The following EYS variants were observed in gnomAD, a reference collection of about 807,000 sequenced individuals.
EYS encodes EGF-like photoreceptor maintenance factor.
In EYS, 250 loss-of-function variants were observed where a neutral mutation model predicts 282.1. The observed-to-expected ratio is 0.89, with a 90% CI of 0.80 to 0.98. The LOEUF (loss-of-function observed/expected upper bound fraction) is 0.98. Ranked by LOEUF, EYS falls within the 50% of genes least tolerant of loss-of-function variation. The pLI, the probability that EYS is intolerant of heterozygous loss-of-function variation, is 0.00. For synonymous variants in EYS, 1,355 were observed against 1,282.9 expected (o/e 1.06, Z -1.20); for missense variants, 4,016 against 3,709.0 (o/e 1.08, Z -2.15).
chr6:65,111,925 T>A (rs970317195), intron 12 of EYS, among the ~76,000 whole-genome samples: 1 of 152,186 alleles, frequency 6.6e-6, no homozygotes, highest in African/African-American at 2.4e-5. Context: ...AATTTCATTA[T>A]GTTCATCTCC....
intron 2 of EYS, among the ~76,000 whole-genome samples, chr6:65,620,529 G>A (rs1766433808): frequency 6.6e-6 from 1 of 151,326 alleles, no homozygotes; most frequent in Non-Finnish European, 1.5e-5. Context: ...ATTTTTTGAA[G>A]GGTTTTTTGT....
At chr6:65,191,303 C>T (rs1000109513) in intron 12 of EYS, among the ~76,000 whole-genome samples, 6 of 151,526 alleles carry the variant, frequency 4.0e-5, no homozygotes, top group South Asian at 2.1e-4. Flanking sequence ...TTGTAAAAAG[C>T]GATAAGAATA....
intron 31 of EYS, among the ~76,000 whole-genome samples, chr6:64,216,905 C>A (rs1234760761): frequency 6.6e-6 from 1 of 152,152 alleles, no homozygotes; most frequent in Non-Finnish European, 1.5e-5. Context: ...CCCAAAGTTA[C>A]ATAACTAATT....
chr6:65,067,249 A>C (rs948891212), intron 12 of EYS, among the ~76,000 whole-genome samples: 1 of 152,146 alleles, frequency 6.6e-6, no homozygotes, highest in East Asian at 1.9e-4. Flanking sequence ...AATCAGGCTT[A>C]AAATACATAT....
At chr6:65,672,067 T>C (rs1008345094) in intron 1 of EYS, among the ~76,000 whole-genome samples, 4 of 152,072 alleles carry the variant, frequency 2.6e-5, no homozygotes, top group Non-Finnish European at 5.9e-5. Context: ...TCTAGATGCT[T>C]GAGGATACTG....
chr6:63,899,092 C>A lies in EYS; in HGVS notation c.7056-34734G>T, dbSNP rs549698075. Among the ~76,000 whole-genome samples the A allele has an allele frequency of 2.0e-5, 3 of 152,242 alleles. No individual in the cohort carries two copies. In the East Asian group the frequency reaches 5.8e-4, roughly 29 times the overall value. ...GAAAAAAAGAGAGTGCAGATTATTACGTTTATTGACTGACACTGGTTCTTA... is the reference window on the plus strand; with the variant it reads ...GAAAAAAAGAGAGTGCAGATTATTAAGTTTATTGACTGACACTGGTTCTTA... On this transcript the variant is annotated intron_variant, in intron 35 of 42. Coordinates refer to ENST00000503581, the MANE Select transcript of EYS (RefSeq NM_001142800.2).
At chr6:64,846,841 A>C (rs950898909) in intron 19 of EYS, among the ~76,000 whole-genome samples, 1 of 152,232 alleles carries the variant, frequency 6.6e-6, no homozygotes, top group Admixed American at 6.6e-5. Flanking sequence ...TAGTTTACTC[A>C]AAAAGTAAAA....
chr6:64,346,142 G>C (rs1235558077), intron 29 of EYS, among the ~76,000 whole-genome samples: 3 of 152,170 alleles, frequency 2.0e-5, no homozygotes, highest in East Asian at 3.9e-4. Flanking sequence ...AAGTCAGTGT[G>C]GTGGTTCCTC....
At chr6:64,146,117 T>C (rs1774511634) in intron 31 of EYS, among the ~76,000 whole-genome samples, 1 of 152,182 alleles carries the variant, frequency 6.6e-6, no homozygotes, top group Admixed American at 6.6e-5. Context: ...TAAGGGCAGT[T>C]CAGCTGGAAA....
chr6:65,658,183 C>G (rs1767891247), intron 1 of EYS, among the ~76,000 whole-genome samples: 1 of 151,436 alleles, frequency 6.6e-6, no homozygotes, highest in African/African-American at 2.4e-5. Flanking sequence ...ATGAGGTATG[C>G]CTGTATTATC....
At position 64,765,077 on chromosome 6, in the gene EYS, T is replaced by C. The variant is rs1214491922; in HGVS notation, c.3443+48301A>G. Among the ~76,000 whole-genome samples, 5 of 152,154 alleles carry C rather than the reference T, an allele frequency of 3.3e-5. No homozygotes were observed. The East Asian group carries it at 9.6e-4, about 29-fold the overall frequency. On this transcript the variant is annotated intron_variant, in intron 22 of 42. Coordinates refer to ENST00000503581, the MANE Select transcript of EYS (RefSeq NM_001142800.2). ...ATATAAGTTCCAATTTCAGATAATC[T>C]CTTTGTTCACACATATGAGCATATA...
chr6:64,791,632 T>C (rs886834264), intron 22 of EYS, among the ~76,000 whole-genome samples: 1 of 151,936 alleles, frequency 6.6e-6, no homozygotes, highest in Non-Finnish European at 1.5e-5. Context: ...GATGAATTAA[T>C]TGTTGGCAGC....
intron 30 of EYS, among the ~76,000 whole-genome samples, chr6:64,286,547 C>T (rs73766049): frequency 0.038 from 5,815 of 152,128 alleles, 357 homozygotes; most frequent in African/African-American, 0.13. Flanking sequence ...CTTTTAGCTG[C>T]CCTGCTTTGC....
intron 2 of EYS, among the ~76,000 whole-genome samples, chr6:65,570,940 C>G (rs1387721007): frequency 6.6e-6 from 1 of 151,896 alleles, no homozygotes; most frequent in Non-Finnish European, 1.5e-5. Context: ...TACTTGGAGG[C>G]CATATGTTTT....
At chr6:64,253,976 C>G (rs1767309290) in intron 30 of EYS, among the ~76,000 whole-genome samples, 1 of 152,026 alleles carries the variant, frequency 6.6e-6, no homozygotes, top group African/African-American at 2.4e-5. Flanking sequence ...GCACTTTAAC[C>G]CCCAACTTCC....
In EYS at chr6:64,945,322, A is replaced by T. The variant is rs541844124; in HGVS notation, c.2381+471T>A. On this transcript the variant is annotated intron_variant, in intron 15 of 42. Transcript: ENST00000503581. ...AGAATTCTCATCTAAGAACTAATTAATACAATTGAATTATGGAATATGTGG... is the reference window on the plus strand; with the variant it reads ...AGAATTCTCATCTAAGAACTAATTATTACAATTGAATTATGGAATATGTGG... Among the ~76,000 whole-genome samples the T allele has an allele frequency of 8.7e-4, 132 of 152,136 alleles. 3 individuals are homozygous for T. In the South Asian group the frequency reaches 0.026, roughly 30 times the overall value.
chr6:65,351,273 G>A (rs115330646), intron 9 of EYS, among the ~76,000 whole-genome samples: 2,209 of 151,522 alleles, frequency 0.015, 16 homozygotes, highest in Non-Finnish European at 0.021. Context: ...CAGATGTAGC[G>A]GTCACATAAT....
intron 29 of EYS, among the ~76,000 whole-genome samples, chr6:64,335,077 G>A (rs1483240698): frequency 6.6e-6 from 1 of 152,054 alleles, no homozygotes; most frequent in African/African-American, 2.4e-5. Flanking sequence ...AGATGAGTAT[G>A]TACCCACTCA....
In EYS at chr6:63,895,094, C is replaced by G. The variant is rs570754570; in HGVS notation, c.7056-30736G>C. On this transcript the variant is annotated intron_variant, in intron 35 of 42. Transcript: ENST00000503581. ...CCATTATTCTGTTCTGGGTCACCCC[C>G]CATGGCCTCACCCTCACTGTCTTGC... Among the ~76,000 whole-genome samples the G allele has an allele frequency of 2.0e-4, 31 of 151,960 alleles. 1 individual carries two copies. In the South Asian group the frequency reaches 6.5e-3, roughly 32 times the overall value.
Sources: gnomAD v4.1 joint callset for allele counts (sites outside exome capture counted in the v4.1 genomes callset) on GRCh38, gnomAD v4.1.1 for gene constraint, MANE v1.5 for transcripts, NCBI Gene and HGNC (gene_info 2026-07-23, HGNC 2026-07-21) for gene names.